The following SLC35F1 variants were observed in gnomAD, a reference collection of about 807,000 sequenced individuals.
The protein encoded by SLC35F1 is solute carrier family 35 member F1.
A neutral mutation model predicts 48.7 loss-of-function variants in SLC35F1; 14 were observed. That is an observed-to-expected ratio of 0.29 (90% CI 0.19 to 0.45). SLC35F1 has a LOEUF of 0.45. SLC35F1 is among the 20% of genes least tolerant of loss of function. The pLI is 1.00. For synonymous variants in SLC35F1, 190 were observed against 202.2 expected, an observed-to-expected ratio of 0.94 and a Z score of 0.51; for missense variants, 404 against 500.0, an observed-to-expected ratio of 0.81 and a Z score of 1.83.
rs1208489199 is a variant in SLC35F1, at chr6:118,031,344, C to G, written c.174-123101C>G. ...GGTATGAGGTCTACTGTGATTTTAG[C>G]TAATTTGGAGATGAGTAATTTTAGC... On this transcript the variant is annotated intron_variant, in intron 1 of 7. Transcript: ENST00000360388. Among the ~76,000 whole-genome samples, 3 of 152,090 alleles carry G rather than the reference C, an allele frequency of 2.0e-5. No individual in the cohort carries two copies. In the East Asian group the frequency reaches 5.8e-4, roughly 29 times the overall value.
chr6:118,283,274 T>C (rs1272592949), intron 6 of SLC35F1, among the ~76,000 whole-genome samples: 1 of 152,170 alleles, frequency 6.6e-6, no homozygotes, highest in Non-Finnish European at 1.5e-5. Context: ...AAATGCCACC[T>C]CCACAAAGTA....
intron 1 of SLC35F1, among the ~76,000 whole-genome samples, chr6:117,914,545 G>A (rs566941071): frequency 1.3e-5 from 2 of 152,280 alleles, no homozygotes; most frequent in East Asian, 3.9e-4. Flanking sequence ...TTTATTCAAT[G>A]AGTGTTTATT....
intron 1 of SLC35F1, among the ~76,000 whole-genome samples, chr6:117,924,053 A>G (rs1487367677): frequency 1.4e-5 from 2 of 147,068 alleles, no homozygotes; most frequent in African/African-American, 5.3e-5. Flanking sequence ...ATGCATATGT[A>G]TATACACACA....
chr6:118,159,516 C>T (rs1384933914), intron 2 of SLC35F1, among the ~76,000 whole-genome samples: 6 of 152,268 alleles, frequency 3.9e-5, no homozygotes, highest in East Asian at 1.9e-4. Context: ...CTTCCAAAAA[C>T]GTATGCGTTT....
At chr6:118,086,047 G>GA (rs1772985520) in intron 1 of SLC35F1, among the ~76,000 whole-genome samples, 1 of 151,910 alleles carries the variant, frequency 6.6e-6, no homozygotes, top group Non-Finnish European at 1.5e-5. Flanking sequence ...CTACAGGTAG[G>GA]AAAAAGAATG....
At chr6:118,061,630 T>TA (rs1772541385) in intron 1 of SLC35F1, among the ~76,000 whole-genome samples, 1 of 151,542 alleles carries the variant, frequency 6.6e-6, no homozygotes, top group Non-Finnish European at 1.5e-5. Context: ...TATATGTTTT[T>TA]ATCTAGCTGT....
chr6:118,025,504 T>C lies in SLC35F1; in HGVS notation c.173+117605T>C, dbSNP rs544498291. Among the ~76,000 whole-genome samples the C allele has an allele frequency of 1.5e-4, 23 of 152,284 alleles. No homozygotes were observed. The East Asian group carries it at 4.4e-3, about 29-fold the overall frequency. On this transcript the variant is annotated intron_variant, in intron 1 of 7. Coordinates refer to ENST00000360388, the MANE Select transcript of SLC35F1 (RefSeq NM_001029858.4). ...CCCCTGTGGTTTCCATGCTGTGCTC[T>C]TTGGAAGGAAGTCACCATGTACAGT...
intron 1 of SLC35F1, among the ~76,000 whole-genome samples, chr6:118,064,969 C>T (rs1352205402): frequency 6.6e-6 from 1 of 152,164 alleles, no homozygotes; most frequent in Non-Finnish European, 1.5e-5. Flanking sequence ...AAAAATCCTA[C>T]AGCTAATCTA....
chr6:117,936,421 G>C (rs1163046129), intron 1 of SLC35F1, among the ~76,000 whole-genome samples: 1 of 152,146 alleles, frequency 6.6e-6, no homozygotes, highest in Non-Finnish European at 1.5e-5. Context: ...ACTTCCCTAG[G>C]ACTTCTTCCT....
At chr6:118,246,626 A>G (rs1182225313) in intron 3 of SLC35F1, among the ~76,000 whole-genome samples, 2 of 152,144 alleles carry the variant, frequency 1.3e-5, no homozygotes, top group Admixed American at 1.3e-4. Context: ...TTCAGCTCCA[A>G]TGGTGCACGT....
rs1772272223 is a variant in SLC35F1 at position 118,044,521 on chromosome 6, C to T, written c.174-109924C>T. Among the ~76,000 whole-genome samples, 4 of 152,236 alleles carry T rather than the reference C, an allele frequency of 2.6e-5. No homozygotes were observed. The South Asian group carries it at 8.3e-4, about 32-fold the overall frequency. Reference sequence around the variant, plus strand: ...TGCCTTCACTGGGGCCACCATGGCTCAGAGGCTGTGACTGGGAGGCCCTGG... The same window carrying T: ...TGCCTTCACTGGGGCCACCATGGCTTAGAGGCTGTGACTGGGAGGCCCTGG... On this transcript the variant is annotated intron_variant, in intron 1 of 7. Transcript: ENST00000360388.
chr6:118,030,128 T>A (rs1772024773), intron 1 of SLC35F1, among the ~76,000 whole-genome samples: 2 of 152,186 alleles, frequency 1.3e-5, no homozygotes, highest in South Asian at 4.1e-4. Context: ...AAACAATGCT[T>A]CCCTCTGGGG....
At chr6:118,293,103 A>T (rs1214251563) in intron 7 of SLC35F1, among the ~76,000 whole-genome samples, 2 of 152,150 alleles carry the variant, frequency 1.3e-5, no homozygotes, top group African/African-American at 2.4e-5. Flanking sequence ...GCTTGGTCTG[A>T]GGTCTATCAT....
chr6:118,124,558 A>G (rs1287640931), intron 1 of SLC35F1, among the ~76,000 whole-genome samples: 2 of 152,168 alleles, frequency 1.3e-5, no homozygotes, highest in African/African-American at 4.8e-5. Context: ...CAAGATCTCT[A>G]CTGTGACCTA....
rs141703273 is a variant in SLC35F1, at chr6:118,211,144, A to T, written c.350-24365A>T. Among the ~76,000 whole-genome samples, 492 of 152,278 alleles carry T rather than the reference A, an allele frequency of 3.2e-3. 2 individuals are homozygous for T. Among genetic ancestry groups the T allele is most frequent in the South Asian group, 0.011 (55 of 4,820 alleles). On this transcript the variant is annotated intron_variant, in intron 2 of 7. Coordinates refer to ENST00000360388, the MANE Select transcript of SLC35F1 (RefSeq NM_001029858.4). The stretch of plus-strand genomic sequence containing the variant: ...AGAAATCAACTCTGTCAACCCTTGG[A>T]TCTTGGAATTCTAGCCTCCAAAACT...
intron 2 of SLC35F1, among the ~76,000 whole-genome samples, chr6:118,176,876 G>T (rs1184306685): frequency 6.6e-6 from 1 of 151,280 alleles, no homozygotes; most frequent in Admixed American, 6.6e-5. Context: ...ATTTGTGCTT[G>T]TTTTTTTTGT....
intron 6 of SLC35F1, among the ~76,000 whole-genome samples, chr6:118,279,539 CT>C (rs1432137777): frequency 6.6e-6 from 1 of 152,182 alleles, no homozygotes; most frequent in African/African-American, 2.4e-5. Flanking sequence ...TCTTTCCTCT[CT>C]CACCTCACAA....
intron 1 of SLC35F1, among the ~76,000 whole-genome samples, chr6:118,124,138 T>C (rs1773591365): frequency 6.6e-6 from 1 of 152,190 alleles, no homozygotes; most frequent in Non-Finnish European, 1.5e-5. Context: ...ATATCTGAAC[T>C]AGGAATTAGG....
chr6:118,309,042 T>C (rs1284883784), intron 7 of SLC35F1, among the ~76,000 whole-genome samples: 1 of 152,152 alleles, frequency 6.6e-6, no homozygotes, highest in East Asian at 1.9e-4. Flanking sequence ...TCATGTGTGG[T>C]ACATGAGAAG....
Sources: gnomAD v4.1 joint callset for allele counts (sites outside exome capture counted in the v4.1 genomes callset) on GRCh38, gnomAD v4.1.1 for gene constraint, MANE v1.5 for transcripts, NCBI Gene and HGNC (gene_info 2026-07-23, HGNC 2026-07-21) for gene names.